The following ACP7 variants were observed in gnomAD, a reference collection of about 807,000 sequenced individuals.
The protein encoded by ACP7 is acid phosphatase type 7.
In ACP7, 58 loss-of-function variants were observed where a neutral mutation model predicts 60.6. The observed-to-expected ratio is 0.96, with a 90% confidence interval of 0.77 to 1.19. The LOEUF is 1.19. Among genes scored for constraint, ACP7 ranks in the 50% most tolerant of loss-of-function variants. ACP7 has a pLI of 0.00. For missense variants in ACP7, 574 were observed against 596.2 expected, an observed-to-expected ratio of 0.96 and a Z score of 0.39; for synonymous variants, 237 against 232.6, an observed-to-expected ratio of 1.02 and a Z score of -0.17.
chr19:39,094,818 G>A (rs945678788), intron 2 of ACP7, among the ~76,000 whole-genome samples: 16 of 152,164 alleles, frequency 1.1e-4, no homozygotes, highest in African/African-American at 3.6e-4. Context: ...AAGAAAAACA[G>A]GTTTAATTGG....
At chr19:39,085,489 G>C (rs139016860) in intron 2 of ACP7, 99 bp downstream of exon 2, 4 of 1,446,220 alleles carry the variant, frequency 2.8e-6, no homozygotes, top group Non-Finnish European at 3.7e-6. Context: ...GCCCCTAGGC[G>C]GGTGGCTCAT....
intron 12 of ACP7, among the ~76,000 whole-genome samples, chr19:39,108,612 T>C (rs2145047263): frequency 6.6e-6 from 1 of 151,914 alleles, no homozygotes; most frequent in Non-Finnish European, 1.5e-5. Context: ...CAGGGGAAGA[T>C]AAAGATGGGG....
chr19:39,085,118 G>A lies in ACP7; in HGVS notation c.-152G>A. 1.0e-6 allele frequency: 1 copy of A among 986,892 alleles called. No homozygotes were observed. Among genetic ancestry groups the A allele is most frequent in the Non-Finnish European group, 1.4e-6 (1 of 691,024 alleles). The allele number at this position is 986,892 out of a possible 1,614,324, so 61.1% of individuals were successfully genotyped here. On this transcript the variant is annotated 5_prime_UTR_variant, in exon 2 of 13. Coordinates refer to ENST00000331256, the MANE Select transcript of ACP7 (RefSeq NM_001004318.3). ...ACCTGGATAACCACCCATCTTGAAG[G>A]AGACCTCCCTGCCCTGCCTCTGTTG... is the stretch of plus-strand genomic sequence containing the variant.
In ACP7 at chr19:39,101,318, A is replaced by C; in HGVS notation, c.1004A>C (p.His335Pro). 6.2e-7 allele frequency: 1 copy of C among 1,614,022 alleles called. No homozygotes were observed. The highest frequency in any genetic ancestry group is 8.5e-7 in the Non-Finnish European group (1 of 1,180,010). The change falls in exon 10 of 13, where the codon CAC becomes CCC. Residue 335 changes from histidine (H) to proline (P), a missense_variant. Coordinates refer to ENST00000331256, the MANE Select transcript of ACP7 (RefSeq NM_001004318.3). Reference sequence around the variant, plus strand: ...GATCTGCAGCTGTGGGCTCATGAGCACTCGTATGAACGACTGTGGCCAATT... The same window carrying C: ...GATCTGCAGCTGTGGGCTCATGAGCCCTCGTATGAACGACTGTGGCCAATT... ...GVDLQLWAHE[H>P]SYERLWPIYN...
Position 39,110,264 on chromosome 19 carries a change from G to A in ACP7, c.*146G>A, listed in dbSNP as rs977566209. 1.4e-6 allele frequency: 1 copy of A among 733,626 alleles called. No individual in the cohort carries two copies. Among genetic ancestry groups the A allele is most frequent in the Non-Finnish European group, 2.3e-6 (1 of 440,976 alleles). The allele number at this position is 733,626 out of a possible 1,614,324, so 45.4% of individuals were successfully genotyped here. On this transcript the variant is annotated 3_prime_UTR_variant, in exon 13 of 13. Coordinates refer to ENST00000331256, the MANE Select transcript of ACP7 (RefSeq NM_001004318.3). The stretch of plus-strand genomic sequence containing the variant: ...CCATGTAGGGTACATGCAGCCCTAT[G>A]GAGCTGGGGCAGCTGTTCCCTCCTG...
At chr19:39,098,226 C>A (rs891381510) in intron 2 of ACP7, among the ~76,000 whole-genome samples, 23 of 134,526 alleles carry the variant, frequency 1.7e-4, no homozygotes, top group Admixed American at 8.3e-5. Flanking sequence ...TGTACTCCAG[C>A]CTAGGAGGCA....
intron 3 of ACP7, 95 bp from the exon 4 acceptor site, chr19:39,098,865 C>A: frequency 6.6e-7 from 1 of 1,510,122 alleles, no homozygotes; most frequent in South Asian, 1.2e-5. Context: ...ACCAGTCCCC[C>A]CATCTCCTCC....
chr19:39,087,893 C>T (rs1568473970), intron 2 of ACP7, among the ~76,000 whole-genome samples: 1 of 152,282 alleles, frequency 6.6e-6, no homozygotes, highest in East Asian at 1.9e-4. Context: ...CTCTGCCTCC[C>T]AAAATGCTGG....
chr19:39,087,631 TG>T (rs370462515), intron 2 of ACP7, among the ~76,000 whole-genome samples: 52 of 108,466 alleles, frequency 4.8e-4, no homozygotes, highest in African/African-American at 1.1e-3. Flanking sequence ...CAGCTAATTT[TG>T]TTTTTTTTTT....
intron 11 of ACP7, among the ~76,000 whole-genome samples, chr19:39,103,308 AT>A (rs2073376082): frequency 6.6e-6 from 1 of 152,032 alleles, no homozygotes; most frequent in Non-Finnish European, 1.5e-5. Context: ...TCTGCGGGTT[AT>A]TATCCAACAT....
At chr19:39,089,316 C>A (rs2073179161) in intron 2 of ACP7, among the ~76,000 whole-genome samples, 2 of 152,292 alleles carry the variant, frequency 1.3e-5, no homozygotes, top group African/African-American at 4.8e-5. Context: ...GATCCACCCG[C>A]CTCGGCCTCC....
chr19:39,100,021 C>T (rs534131640), intron 4 of ACP7, among the ~76,000 whole-genome samples: 1 of 148,948 alleles, frequency 6.7e-6, no homozygotes, highest in Admixed American at 6.7e-5. Context: ...AAAAAGTGCC[C>T]ATCTTGGCCC....
intron 2 of ACP7, among the ~76,000 whole-genome samples, chr19:39,093,392 T>C (rs1426951376): frequency 2.0e-5 from 3 of 151,786 alleles, no homozygotes; most frequent in Non-Finnish European, 4.4e-5. Context: ...GTAGCTGGAT[T>C]ACAGGCACGC....
At chr19:39,103,050 C>G (rs1462901596) in intron 11 of ACP7, among the ~76,000 whole-genome samples, 1 of 151,908 alleles carries the variant, frequency 6.6e-6, no homozygotes, top group East Asian at 1.9e-4. Flanking sequence ...GCTGGCGAGG[C>G]TGGTCTCAAA....
chr19:39,102,679 T>C (rs891595821), intron 11 of ACP7, among the ~76,000 whole-genome samples: 7 of 151,194 alleles, frequency 4.6e-5, no homozygotes, highest in African/African-American at 1.7e-4. Context: ...GGACGCTGCC[T>C]GTTAACAGTT....
At chr19:39,093,012 A>G (rs1191101358) in intron 2 of ACP7, among the ~76,000 whole-genome samples, 1 of 151,868 alleles carries the variant, frequency 6.6e-6, no homozygotes, top group Admixed American at 6.6e-5. Flanking sequence ...TTCTGACCTC[A>G]GGTGATCCAC....
chr19:39,101,253 A>G lies in ACP7; in HGVS notation c.974-35A>G, dbSNP rs376943790. On this transcript the variant is annotated intron_variant, in intron 9 of 12. Coordinates refer to ENST00000331256, the MANE Select transcript of ACP7 (RefSeq NM_001004318.3). ...ATGCCCCACACCCCACCTCTCCCCA[A>G]TTCAGAGGTCTGATCCCCGCTTGCT... 104 of 1,613,994 alleles carry G rather than the reference A, an allele frequency of 6.4e-5. 1 individual carries two copies. Among genetic ancestry groups the G allele is most frequent in the African/African-American group, 4.4e-4 (33 of 74,924 alleles).
chr19:39,094,113 G>T (rs943361226), intron 2 of ACP7, among the ~76,000 whole-genome samples: 2 of 152,148 alleles, frequency 1.3e-5, no homozygotes, highest in Non-Finnish European at 2.9e-5. Context: ...CTTGACTTGG[G>T]TGCTAACGTT....
At chr19:39,106,807 A>T in intron 11 of ACP7, 140 bp from the exon 12 acceptor site, 1 of 975,228 alleles carries the variant, frequency 1.0e-6, no homozygotes, top group Non-Finnish European at 1.5e-6. Flanking sequence ...TACAGGCATG[A>T]GCCACTGCGC....
Sources: gnomAD v4.1 joint callset for allele counts (sites outside exome capture counted in the v4.1 genomes callset) on GRCh38, gnomAD v4.1.1 for gene constraint, MANE v1.5 for transcripts, NCBI Gene and HGNC (gene_info 2026-07-23, HGNC 2026-07-21) for gene names.